Variants in LRRTM4 observed in about 807,000 individuals in gnomAD.
The protein encoded by LRRTM4 is leucine-rich repeat transmembrane neuronal protein 4.
A neutral mutation model predicts 47.6 loss-of-function variants in LRRTM4; 25 were observed. The observed-to-expected ratio is 0.53, with a 90% CI of 0.38 to 0.73. LRRTM4 has a LOEUF of 0.73. Among genes scored for constraint, LRRTM4 ranks in the 30% least tolerant of loss-of-function variants. The probability of loss-of-function intolerance (pLI) is 0.00; values close to 1 mark genes in which losing one functional copy is unlikely to be tolerated. For missense variants in LRRTM4, 638 were observed against 713.4 expected, an observed-to-expected ratio of 0.89 and a Z score of 1.20; for synonymous variants, 311 against 269.5, an observed-to-expected ratio of 1.15 and a Z score of -1.51.
rs1444478492 is a variant in LRRTM4, at chr2:76,914,538, A to T, written c.1552-165622T>A. On this transcript the variant is annotated intron_variant, in intron 3 of 3. Transcript: ENST00000409884. ...ATTGTATGTTTATTAAATCAGGATT[A>T]TAAGTATATTATTAAAGAGATTGTC... 9.2e-5 allele frequency among the ~76,000 whole-genome samples: 14 copies of T among 152,268 alleles called. No individual in the cohort carries two copies. The South Asian group carries it at 2.9e-3, about 32-fold the overall frequency.
chr2:77,082,972 A>T (rs1404125584), intron 3 of LRRTM4, among the ~76,000 whole-genome samples: 2 of 152,258 alleles, frequency 1.3e-5, no homozygotes, highest in East Asian at 1.9e-4. Context: ...CTAAAAGAAA[A>T]ATTACTCAAT....
chr2:76,941,030 TTTTAAATTTGTGG>T (rs1675124940), intron 3 of LRRTM4, among the ~76,000 whole-genome samples: 1 of 152,188 alleles, frequency 6.6e-6, no homozygotes, highest in South Asian at 2.1e-4. Context: ...TTATTGTTGT[TTTTAAATTTGTGG>T]CTTGAATTTG....
In LRRTM4 at chr2:77,041,328, T is replaced by A. The variant is rs192158269; in HGVS notation, c.1552-292412A>T. ...TTGTAAAATCCATTCATTTGTTGAT[T>A]GATAGACACTTAGGTTGATTTCATA... On this transcript the variant is annotated intron_variant, in intron 3 of 3. Coordinates refer to ENST00000409884, the MANE Select transcript of LRRTM4 (RefSeq NM_001134745.3). Among the ~76,000 whole-genome samples, 20 of 151,714 alleles carry A rather than the reference T, an allele frequency of 1.3e-4. No individual in the cohort carries two copies. The East Asian group carries it at 3.7e-3, about 28-fold the overall frequency.
chr2:76,889,600 C>T (rs1673185846), intron 3 of LRRTM4, among the ~76,000 whole-genome samples: 1 of 151,696 alleles, frequency 6.6e-6, no homozygotes, highest in African/African-American at 2.4e-5. Context: ...TTCAAAGATC[C>T]AAGGATACTG....
At chr2:77,160,723 G>C (rs1158376177) in intron 3 of LRRTM4, among the ~76,000 whole-genome samples, 6 of 152,058 alleles carry the variant, frequency 3.9e-5, no homozygotes, top group African/African-American at 1.4e-4. Flanking sequence ...AAAAACAGTG[G>C]AGTTGGCCTA....
intron 3 of LRRTM4, among the ~76,000 whole-genome samples, chr2:77,442,092 G>T (rs1276913137): frequency 6.6e-6 from 1 of 152,132 alleles, no homozygotes. Context: ...GAGAACAGCA[G>T]AATGTGGAAA....
At chr2:77,404,762 C>T (rs1674114319) in intron 3 of LRRTM4, among the ~76,000 whole-genome samples, 1 of 152,076 alleles carries the variant, frequency 6.6e-6, no homozygotes, top group Non-Finnish European at 1.5e-5. Flanking sequence ...TAGCCAGATT[C>T]AGTTAACTCA....
Position 77,518,548 on chromosome 2 carries a change from A to C in LRRTM4, c.1321T>G (p.Leu441Val), listed in dbSNP as rs1475792466. 6.2e-7 allele frequency: 1 copy of C among 1,613,326 alleles called. No homozygotes were observed. The highest frequency in any genetic ancestry group is 8.5e-7 in the Non-Finnish European group (1 of 1,179,624). ...CGTTTCCAAGACACATAGATCACCA[A>C]GAGGATCATGGCCACTGAGAGAAAG... ...ALFLSVAMIL[L>V]VIYVSWKRYP... Residue 441 changes from leucine (L) to valine (V), a missense_variant, in exon 3 of 4, where the codon TTG becomes GTG. Transcript: ENST00000409884.
At chr2:77,146,893 G>A (rs1672274493) in intron 3 of LRRTM4, among the ~76,000 whole-genome samples, 1 of 152,024 alleles carries the variant, frequency 6.6e-6, no homozygotes, top group Admixed American at 6.6e-5. Flanking sequence ...CTTGAGTTAT[G>A]CCTCATTTTA....
At chr2:77,090,221 G>A (rs1341498602) in intron 3 of LRRTM4, among the ~76,000 whole-genome samples, 1 of 152,084 alleles carries the variant, frequency 6.6e-6, no homozygotes, top group Non-Finnish European at 1.5e-5. Flanking sequence ...TAAAAAGGTG[G>A]CTGGTGCTAA....
chr2:76,853,095 T>C (rs1325392103), intron 3 of LRRTM4, among the ~76,000 whole-genome samples: 3 of 152,150 alleles, frequency 2.0e-5, no homozygotes, highest in Non-Finnish European at 4.4e-5. Context: ...CTGAAAAGTT[T>C]GGACTTGATA....
chr2:76,876,789 G>T (rs1672791584), intron 3 of LRRTM4, among the ~76,000 whole-genome samples: 1 of 151,656 alleles, frequency 6.6e-6, no homozygotes, highest in Non-Finnish European at 1.5e-5. Context: ...TTATATATTT[G>T]TACTTTATCT....
intron 3 of LRRTM4, among the ~76,000 whole-genome samples, chr2:77,144,417 G>A (rs1035203605): frequency 6.6e-6 from 1 of 151,126 alleles, no homozygotes; most frequent in African/African-American, 2.4e-5. Flanking sequence ...CTGCTGCATG[G>A]GGTCAAAAAA....
At chr2:77,418,034 A>G (rs909205033) in intron 3 of LRRTM4, among the ~76,000 whole-genome samples, 3 of 148,296 alleles carry the variant, frequency 2.0e-5, no homozygotes, top group African/African-American at 8.0e-5. Context: ...AAATTAGTTT[A>G]ATGGCATAGG....
At chr2:77,190,265 G>A (rs1281670878) in intron 3 of LRRTM4, among the ~76,000 whole-genome samples, 1 of 149,432 alleles carries the variant, frequency 6.7e-6, no homozygotes, top group Non-Finnish European at 1.5e-5. Context: ...TTGCATCCCA[G>A]GTTGTTCTAA....
rs201882172 is a variant in LRRTM4 at position 77,136,700 on chromosome 2, AC to A, written c.1551+381617del. On this transcript the variant is annotated intron_variant, in intron 3 of 3. Coordinates refer to ENST00000409884, the MANE Select transcript of LRRTM4 (RefSeq NM_001134745.3). ...TCCGAGCTAAAGGAGAAAGTTCGAAACCATGGCAAAGAAGCTAAAAACCTTG... is the reference window on the plus strand; with the variant it reads ...TCCGAGCTAAAGGAGAAAGTTCGAAACATGGCAAAGAAGCTAAAAACCTTG... 7.9e-5 allele frequency among the ~76,000 whole-genome samples: 12 copies of A among 152,274 alleles called. No individual in the cohort carries two copies. The East Asian group carries it at 2.3e-3, about 29-fold the overall frequency.
At chr2:77,319,562 T>G (rs917712437) in intron 3 of LRRTM4, among the ~76,000 whole-genome samples, 1 of 152,208 alleles carries the variant, frequency 6.6e-6, no homozygotes, top group African/African-American at 2.4e-5. Context: ...AGTTTTTGAA[T>G]GCCTTCAGCT....
At chr2:77,181,486 G>C (rs886931273) in intron 3 of LRRTM4, among the ~76,000 whole-genome samples, 1 of 151,930 alleles carries the variant, frequency 6.6e-6, no homozygotes, top group Non-Finnish European at 1.5e-5. Flanking sequence ...GAAGGACACT[G>C]GTACCCTTAG....
At chr2:77,428,656 A>G (rs1675225291) in intron 3 of LRRTM4, among the ~76,000 whole-genome samples, 1 of 152,230 alleles carries the variant, frequency 6.6e-6, no homozygotes, top group Non-Finnish European at 1.5e-5. Context: ...TAAAACTTAG[A>G]AGAAAAGTTG....
Sources: allele counts gnomAD v4.1 joint callset (sites outside exome capture counted in the v4.1 genomes callset), GRCh38; gene constraint gnomAD v4.1.1; transcripts MANE v1.5; gene names NCBI Gene and HGNC (gene_info 2026-07-23, HGNC 2026-07-21).